LRRC74B: variants seen among roughly 807,000 people sequenced by gnomAD.
LRRC74B encodes the protein leucine rich repeat containing 74B.
Under a neutral mutation model 16.6 loss-of-function variants are expected in LRRC74B, and 30 were observed. The ratio of observed to expected loss-of-function variants is 1.80; its 90% CI spans 1.35 to 2.45. The LOEUF is 2.45. Ranked by LOEUF, LRRC74B falls within the 30% of genes most tolerant of loss-of-function variation. LRRC74B has a pLI of 0.00. For synonymous variants in LRRC74B, 134 were observed against 86.0 expected, an observed-to-expected ratio of 1.56 and a Z score of -3.09; for missense variants, 326 against 202.4, an observed-to-expected ratio of 1.61 and a Z score of -3.71.
downstream of LRRC74B, among the ~76,000 whole-genome samples, chr22:21,061,393 G>A (rs965646293): frequency 1.4e-4 from 22 of 152,158 alleles, no homozygotes; most frequent in Non-Finnish European, 2.4e-4. Flanking sequence ...AACGGGATTG[G>A]CCAATTAAAA....
intron 8 of LRRC74B, among the ~76,000 whole-genome samples, chr22:21,059,167 C>G (rs1930690915): frequency 6.6e-6 from 1 of 152,210 alleles, no homozygotes; most frequent in African/African-American, 2.4e-5. Context: ...GCAGGCAGAT[C>G]ACCTGAGGTC....
chr22:21,050,852 G>A (rs1216403830), intron 4 of LRRC74B, among the ~76,000 whole-genome samples: 2 of 151,618 alleles, frequency 1.3e-5, no homozygotes, highest in Admixed American at 6.6e-5. Flanking sequence ...CACCACTTCG[G>A]GAGGCTGAGG....
At chr22:21,056,829 C>T in intron 7 of LRRC74B, 3 of 410,432 alleles carry the variant, frequency 7.3e-6, no homozygotes, top group Non-Finnish European at 1.3e-5. Context: ...ATGATGCTTC[C>T]TTTCCCTCCC....
intron 8 of LRRC74B, among the ~76,000 whole-genome samples, chr22:21,059,212 AC>A (rs1352431152): frequency 2.0e-5 from 3 of 152,188 alleles, no homozygotes; most frequent in African/African-American, 7.2e-5. Context: ...ACATGGTGAA[AC>A]CCTGTCTCTA....
chr22:21,048,051 GTCC>G (rs1188504141), intron 3 of LRRC74B, 35 bp downstream of exon 3: 1 of 716,348 alleles, frequency 1.4e-6, no homozygotes, highest in Non-Finnish European at 2.6e-6. Context: ...GGGCAGGCGT[GTCC>G]TCCTTTTCCT....
chr22:21,056,007 C>G (rs1304356619), intron 7 of LRRC74B, among the ~76,000 whole-genome samples: 2 of 152,130 alleles, frequency 1.3e-5, no homozygotes, highest in Non-Finnish European at 2.9e-5. Flanking sequence ...CTCCCTTTTC[C>G]ACACCCTCCC....
chr22:21,049,709 G>T (rs1929829470), intron 4 of LRRC74B, among the ~76,000 whole-genome samples: 1 of 151,836 alleles, frequency 6.6e-6, no homozygotes, highest in Non-Finnish European at 1.5e-5. Context: ...GGGAAGCGTG[G>T]CCAGGCTGTG....
rs1472304439 is a variant in LRRC74B, at chr22:21,047,873, G to A, written c.283-11G>A. The A allele has an allele frequency of 1.4e-6, 1 of 717,072 alleles. No homozygotes were observed. The highest frequency in any genetic ancestry group is 2.0e-5 in the Admixed American group (1 of 49,990). 44.4% of individuals were successfully genotyped at this position (717,072 alleles called of 1,614,324 possible). A position where few individuals can be genotyped will look rare whatever the true frequency, so the allele number is the denominator to read the frequency against. ...GGATAGTGGCCAGTGTGTTTGCTCT[G>A]TCTGTCCCAGGGCGCCCGGGCTCTG... On this transcript the variant is annotated splice_polypyrimidine_tract_variant and intron_variant, in intron 2 of 8. Coordinates refer to ENST00000442047, the Ensembl canonical transcript of LRRC74B.
At position 21,050,500 on chromosome 22, in the gene LRRC74B, C is replaced by T. The variant is rs80275673; in HGVS notation, c.622+1343C>T. Among the ~76,000 whole-genome samples the T allele has an allele frequency of 0.026, 3,929 of 151,110 alleles. 343 individuals carry two copies. In the East Asian group the frequency reaches 0.29, roughly 11 times the overall value. On this transcript the variant is annotated intron_variant, in intron 4 of 8. Coordinates refer to ENST00000442047, the Ensembl canonical transcript of LRRC74B. Reference sequence around the variant, plus strand: ...AGTCAGTGAAATTAAGTGAGGTGGCCGGGCCCGGTGGCTCACGCCTGTAAT... The same window carrying T: ...AGTCAGTGAAATTAAGTGAGGTGGCTGGGCCCGGTGGCTCACGCCTGTAAT...
intron 4 of LRRC74B, among the ~76,000 whole-genome samples, chr22:21,049,841 G>T (rs1929847116): frequency 2.0e-5 from 3 of 152,058 alleles, no homozygotes; most frequent in Non-Finnish European, 4.4e-5. Flanking sequence ...TCATGCCCCT[G>T]AGCATATTCA....
chr22:21,051,223 G>A (rs1328080330), intron 4 of LRRC74B, among the ~76,000 whole-genome samples: 1 of 152,186 alleles, frequency 6.6e-6, no homozygotes, highest in Non-Finnish European at 1.5e-5. Flanking sequence ...AGCAGGTACT[G>A]TGATGTGCAG....
chr22:21,056,673 C>A, intron 7 of LRRC74B: 1 of 189,972 alleles, frequency 5.3e-6, no homozygotes, highest in Non-Finnish European at 1.1e-5. Flanking sequence ...CTTTGTTCCT[C>A]TGCTGTTCTT....
At chr22:21,048,098 G>T (rs774939863) in intron 3 of LRRC74B, 82 bp downstream of exon 3, 1 of 704,052 alleles carries the variant, frequency 1.4e-6, no homozygotes, top group South Asian at 1.5e-5. Flanking sequence ...AAGCTGGGCC[G>T]TGTCACCTGG....
In LRRC74B at chr22:21,057,241, A is replaced by G. The variant is rs972137138; in HGVS notation, c.1023+41A>G. On this transcript the variant is annotated intron_variant, in intron 8 of 8. Transcript: ENST00000442047. ...AAACCTCGTTTCTGATCCTCCCAGC[A>G]GCCCTGTGAGGTATCATAATTTTAG... The G allele has an allele frequency of 7.0e-6, 5 of 710,740 alleles. No individual in the cohort carries two copies. In the African/African-American group the frequency reaches 8.8e-5, roughly 13 times the overall value. The allele number at this position is 710,740 out of a possible 1,614,324, so 44.0% of individuals were successfully genotyped here.
chr22:21,061,853 C>T (rs901304381), downstream of LRRC74B: 1 of 151,880 alleles, frequency 6.6e-6, no homozygotes, highest in African/African-American at 2.4e-5. Context: ...GTGGTATATC[C>T]ATACAGTGGA....
At chr22:21,057,931 G>C (rs914696119) in intron 8 of LRRC74B, among the ~76,000 whole-genome samples, 2 of 151,140 alleles carry the variant, frequency 1.3e-5, no homozygotes, top group African/African-American at 4.9e-5. Flanking sequence ...TGTCGCCCAG[G>C]CTGGAGTGCA....
chr22:21,050,955 C>T (rs567286390), intron 4 of LRRC74B, among the ~76,000 whole-genome samples: 81 of 140,306 alleles, frequency 5.8e-4, no homozygotes, highest in Middle Eastern at 3.7e-3. Flanking sequence ...AAATTAGCCC[C>T]GGGCAACAGA....
At chr22:21,059,717 A>G (rs1251365740) in intron 8 of LRRC74B, among the ~76,000 whole-genome samples, 1 of 152,242 alleles carries the variant, frequency 6.6e-6, no homozygotes, top group African/African-American at 2.4e-5. Context: ...TTGAAGACTT[A>G]TAGTTCAAGG....
chr22:21,050,194 G>A (rs563256481), intron 4 of LRRC74B, among the ~76,000 whole-genome samples: 5 of 152,024 alleles, frequency 3.3e-5, no homozygotes, highest in African/African-American at 1.2e-4. Flanking sequence ...GTGCGACAAG[G>A]CCTGGCTAAT....
Sources: gnomAD v4.1 joint callset for allele counts (sites outside exome capture counted in the v4.1 genomes callset) on GRCh38, gnomAD v4.1.1 for gene constraint, MANE v1.5 for transcripts, NCBI Gene and HGNC (gene_info 2026-07-23, HGNC 2026-07-21) for gene names.